Variants in METTL15 observed in about 807,000 individuals in gnomAD.
METTL15 encodes methyltransferase 15, mitochondrial 12S rRNA N4-cytidine, also known as 12S rRNA N(4)-cytidine methyltransferase METTL15.
Under a neutral mutation model 38.3 loss-of-function variants are expected in METTL15, and 34 were observed. The ratio of observed to expected loss-of-function variants is 0.89; its 90% CI spans 0.68 to 1.18. METTL15 has a LOEUF of 1.18. Ranked by LOEUF, METTL15 falls within the 50% of genes most tolerant of loss-of-function variation. The pLI, the probability that METTL15 is intolerant of heterozygous loss-of-function variation, is 0.00. For missense variants in METTL15, 438 were observed against 498.4 expected, an observed-to-expected ratio of 0.88 and a Z score of 1.15; for synonymous variants, 162 against 170.9, an observed-to-expected ratio of 0.95 and a Z score of 0.41.
chr11:28,148,997 A>C (rs887319567), intron 3 of METTL15, among the ~76,000 whole-genome samples: 1 of 151,948 alleles, frequency 6.6e-6, no homozygotes, highest in African/African-American at 2.4e-5. Context: ...AGAAATGTGG[A>C]TTGGTACCAC....
chr11:28,320,989 C>G (rs767569701), intron 6 of METTL15, among the ~76,000 whole-genome samples: 42 of 152,004 alleles, frequency 2.8e-4, no homozygotes, highest in Non-Finnish European at 4.3e-4. Context: ...AGTCCAATAC[C>G]TAACTTGAAT....
At chr11:28,222,391 G>C (rs1853277886) in intron 4 of METTL15, among the ~76,000 whole-genome samples, 1 of 152,204 alleles carries the variant, frequency 6.6e-6, no homozygotes, top group South Asian at 2.1e-4. Context: ...TGTTTGCTAA[G>C]ACCGTCAGAA....
At chr11:28,438,114 C>T (rs1227725934) in intron 6 of METTL15, among the ~76,000 whole-genome samples, 1 of 152,198 alleles carries the variant, frequency 6.6e-6, no homozygotes, top group East Asian at 1.9e-4. Flanking sequence ...CTTTACATTA[C>T]ATTAGAAAAT....
chr11:28,290,342 A>C lies in METTL15; in HGVS notation c.544A>C (p.Arg182=). The change falls in exon 5 of 7, where the codon AGA becomes CGA. Residue 182 remains arginine (R), a synonymous_variant. Transcript: ENST00000407364. ...CTCCATGCAACTTGATACTCCTGAA[A>C]GAGGTTTTTCCCTTCGGAAAGATGG... ...CSSMQLDTPE[R]GFSLRKDGPL... 2.5e-6 allele frequency: 4 copies of C among 1,613,498 alleles called. No homozygotes were observed. Among genetic ancestry groups the C allele is most frequent in the Non-Finnish European group, 3.4e-6 (4 of 1,179,606 alleles).
At chr11:28,126,710 T>C (rs1191085138) in intron 3 of METTL15, among the ~76,000 whole-genome samples, 1 of 152,140 alleles carries the variant, frequency 6.6e-6, no homozygotes, top group African/African-American at 2.4e-5. Flanking sequence ...TCAGGTACAA[T>C]GCACTTAGTA....
At position 28,241,654 on chromosome 11, in the gene METTL15, A is replaced by G. The variant is rs148582878; in HGVS notation, c.407+30456A>G. 3.7e-4 allele frequency among the ~76,000 whole-genome samples: 56 copies of G among 152,274 alleles called. 1 individual carries two copies. Among genetic ancestry groups the G allele is most frequent in the African/African-American group, 1.3e-3 (53 of 41,572 alleles). ...ATAAATAGGGTCTCAAGAATAAGAC[A>G]TATTGAGAAAGACTTGGAAGAGGTA... On this transcript the variant is annotated intron_variant, in intron 4 of 6. Transcript: ENST00000407364.
chr11:28,359,029 C>G (rs889739433), intron 4 of METTL15, among the ~76,000 whole-genome samples: 1 of 152,086 alleles, frequency 6.6e-6, no homozygotes, highest in Non-Finnish European at 1.5e-5. Context: ...GATCCTGTCA[C>G]CCAGGTAGTG....
At chr11:28,136,079 G>A (rs1419379021) in intron 3 of METTL15, among the ~76,000 whole-genome samples, 1 of 152,154 alleles carries the variant, frequency 6.6e-6, no homozygotes, top group Admixed American at 6.5e-5. Flanking sequence ...GCCATCTTTT[G>A]AAAAGGATCA....
intron 5 of METTL15, among the ~76,000 whole-genome samples, chr11:28,399,652 C>T (rs896745783): frequency 1.6e-5 from 2 of 122,674 alleles, no homozygotes; most frequent in East Asian, 2.1e-4. Flanking sequence ...CACATTCATT[C>T]GTTACATGCC....
chr11:28,161,321 A>G (rs938416316), intron 3 of METTL15, among the ~76,000 whole-genome samples: 1 of 151,852 alleles, frequency 6.6e-6, no homozygotes, highest in East Asian at 1.9e-4. Flanking sequence ...AGGTTTCATC[A>G]TGTTGGCTAG....
chr11:28,172,883 C>G (rs1362424736), intron 3 of METTL15, among the ~76,000 whole-genome samples: 2 of 152,116 alleles, frequency 1.3e-5, no homozygotes, highest in Admixed American at 1.3e-4. Flanking sequence ...AATATCTCTC[C>G]TTTTGTTGGC....
chr11:28,444,144 T>G (rs574931195), intron 6 of METTL15, among the ~76,000 whole-genome samples: 1 of 152,284 alleles, frequency 6.6e-6, no homozygotes, highest in Non-Finnish European at 1.5e-5. Flanking sequence ...CTATTGTTAA[T>G]AACACTGTAA....
rs760001083 is a variant in METTL15, at chr11:28,330,426, G to A, written c.809G>A (p.Arg270Gln). ...TTTCCTCCCTCTGCTATTTATACACGGAAAGACTTACTACAGCGATCTACC... is the reference window on the plus strand; with the variant it reads ...TTTCCTCCCTCTGCTATTTATACACAGAAAGACTTACTACAGCGATCTACC... ...GAFPPSAIYT[R>Q]KDLLQRSTHI... Residue 270 changes from arginine (R) to glutamine (Q), a missense_variant, in exon 7 of 7, where the codon CGG (arginine) becomes CAG (glutamine). Physicochemically the swap from Arg to Gln is conservative, Grantham distance 43. Coordinates refer to ENST00000407364, the MANE Select transcript of METTL15 (RefSeq NM_001113528.2). 4.5e-6 allele frequency: 7 copies of A among 1,549,216 alleles called. No homozygotes were observed. In the African/African-American group the frequency reaches 5.5e-5, roughly 12 times the overall value.
intron 3 of METTL15, among the ~76,000 whole-genome samples, chr11:28,133,025 G>A (rs1419829900): frequency 6.6e-6 from 1 of 152,066 alleles, no homozygotes; most frequent in Non-Finnish European, 1.5e-5. Context: ...GTCTTACAAA[G>A]TAAAAAGTAT....
At chr11:28,246,214 A>G (rs1307486565) in intron 4 of METTL15, among the ~76,000 whole-genome samples, 1 of 152,154 alleles carries the variant, frequency 6.6e-6, no homozygotes, top group Non-Finnish European at 1.5e-5. Context: ...CATAAAGAAA[A>G]TATATTTAAG....
the METTL15 span, among the ~76,000 whole-genome samples, chr11:28,532,244 T>A: frequency 5.9e-5 from 9 of 152,164 alleles, no homozygotes; most frequent in African/African-American, 2.2e-4. Context: ...TTTTGTTCCC[T>A]GTGTTGGTGA....
intron 3 of METTL15, among the ~76,000 whole-genome samples, chr11:28,195,140 G>A (rs1329031024): frequency 2.0e-5 from 3 of 151,904 alleles, no homozygotes; most frequent in African/African-American, 4.8e-5. Context: ...TTGCAATTGC[G>A]AATTGTACTG....
chr11:28,428,570 T>A (rs1350746274), intron 6 of METTL15, among the ~76,000 whole-genome samples: 1 of 152,170 alleles, frequency 6.6e-6, no homozygotes, highest in Admixed American at 6.5e-5. Context: ...AAATATGTAA[T>A]CTACAGTTAT....
chr11:28,160,243 A>C (rs1429125303), intron 3 of METTL15, among the ~76,000 whole-genome samples: 1 of 151,814 alleles, frequency 6.6e-6, no homozygotes, highest in African/African-American at 2.4e-5. Flanking sequence ...TAGTTATTGG[A>C]TATTATTCCA....
Sources: gnomAD v4.1 joint callset for allele counts (sites outside exome capture counted in the v4.1 genomes callset) on GRCh38, gnomAD v4.1.1 for gene constraint, MANE v1.5 for transcripts, NCBI Gene and HGNC (gene_info 2026-07-23, HGNC 2026-07-21) for gene names.